Variants in NKAIN3 observed in about 807,000 individuals in gnomAD.
NKAIN3 encodes sodium/potassium-transporting ATPase subunit beta-1-interacting protein 3.
NKAIN3 carries 25 observed loss-of-function variants against 30.2 expected under a neutral mutation model. The ratio of observed to expected loss-of-function variants is 0.83; its 90% CI spans 0.60 to 1.16. NKAIN3 has a LOEUF of 1.16. Among genes scored for constraint, NKAIN3 ranks in the 50% most tolerant of loss-of-function variants. The pLI, the probability that NKAIN3 is intolerant of heterozygous loss-of-function variation, is 0.00. For missense variants in NKAIN3, 225 were observed against 254.1 expected (o/e 0.89, Z 0.78); for synonymous variants, 91 against 89.6 (o/e 1.02, Z -0.09).
intron 4 of NKAIN3, among the ~76,000 whole-genome samples, chr8:62,858,886 C>T (rs62510787): frequency 0.02 from 3,004 of 152,316 alleles, 41 homozygotes; most frequent in Non-Finnish European, 0.031. Flanking sequence ...CTGCTTGGCT[C>T]CTTGGGTTCA....
intron 4 of NKAIN3, among the ~76,000 whole-genome samples, chr8:62,866,558 A>T (rs1375027409): frequency 1.3e-5 from 2 of 152,188 alleles, no homozygotes; most frequent in Non-Finnish European, 2.9e-5. Flanking sequence ...TAACATATAG[A>T]GGTATATTTA....
intron 4 of NKAIN3, chr8:62,864,073 G>C (rs1046536315): frequency 6.2e-5 from 42 of 672,544 alleles, no homozygotes; most frequent in Admixed American, 4.8e-4. Context: ...CACTTTCCTG[G>C]AGCTCATTCC....
chr8:62,468,026 G>C (rs1337202153), intron 1 of NKAIN3, among the ~76,000 whole-genome samples: 1 of 152,108 alleles, frequency 6.6e-6, no homozygotes, highest in African/African-American at 2.4e-5. Context: ...ACCCGCCTCA[G>C]AGTTTTTATT....
intron 1 of NKAIN3, among the ~76,000 whole-genome samples, chr8:62,277,899 T>C (rs1485440272): frequency 6.6e-6 from 1 of 152,190 alleles, no homozygotes; most frequent in Non-Finnish European, 1.5e-5. Flanking sequence ...AATGTGGGAC[T>C]ATGATCTTGA....
intron 1 of NKAIN3, among the ~76,000 whole-genome samples, chr8:62,393,321 T>C (rs1007809746): frequency 6.6e-6 from 1 of 152,036 alleles, no homozygotes. Context: ...TCTATATTTA[T>C]ATTCATTTAT....
chr8:62,737,714 T>A (rs1017834151), intron 3 of NKAIN3, among the ~76,000 whole-genome samples: 1 of 152,232 alleles, frequency 6.6e-6, no homozygotes, highest in South Asian at 2.1e-4. Flanking sequence ...TCCTCAACTT[T>A]ATTTTTTTAG....
chr8:62,827,271 T>G (rs1209372745), intron 4 of NKAIN3, among the ~76,000 whole-genome samples: 3 of 152,138 alleles, frequency 2.0e-5, no homozygotes, highest in Non-Finnish European at 4.4e-5. Flanking sequence ...GGGATCTCTT[T>G]ACACACGAGG....
intron 4 of NKAIN3, chr8:62,855,982 C>G: frequency 1.4e-6 from 1 of 690,766 alleles, no homozygotes; most frequent in Non-Finnish European, 2.7e-6. Flanking sequence ...GTTGAGCTCC[C>G]AATCACCAGC....
At chr8:62,706,147 G>T (rs1240149219) in intron 3 of NKAIN3, among the ~76,000 whole-genome samples, 1 of 152,038 alleles carries the variant, frequency 6.6e-6, no homozygotes, top group African/African-American at 2.4e-5. Flanking sequence ...TACAGGAAGG[G>T]GTCTAGAAGC....
chr8:62,391,869 G>A (rs1817592242), intron 1 of NKAIN3, among the ~76,000 whole-genome samples: 1 of 151,478 alleles, frequency 6.6e-6, no homozygotes, highest in South Asian at 2.1e-4. Flanking sequence ...GAAATATACA[G>A]AGCATCAAAA....
rs149828410 is a variant in NKAIN3 at position 62,931,771 on chromosome 8, C to T, written c.532+13258C>T. Among the ~76,000 whole-genome samples, 135 of 152,292 alleles carry T rather than the reference C, an allele frequency of 8.9e-4. 1 individual carries two copies. The Middle Eastern group carries it at 0.02, about 23-fold the overall frequency. ...AGATTTGAATACAGAAGACTTTACT[C>T]CTACTAAGAGTCTCATTTTGGTTGG... On this transcript the variant is annotated intron_variant, in intron 5 of 6. Coordinates refer to ENST00000623646, the MANE Select transcript of NKAIN3 (RefSeq NM_001304533.3).
intron 4 of NKAIN3, among the ~76,000 whole-genome samples, chr8:62,854,289 G>T (rs1819997541): frequency 6.6e-6 from 1 of 152,118 alleles, no homozygotes; most frequent in South Asian, 2.1e-4. Context: ...GCCTAATATT[G>T]TCAGTGAGGT....
intron 1 of NKAIN3, among the ~76,000 whole-genome samples, chr8:62,433,027 G>T (rs920051261): frequency 5.3e-5 from 8 of 152,078 alleles, no homozygotes; most frequent in Non-Finnish European, 1.0e-4. Flanking sequence ...CCCCAAAAGG[G>T]ATAATCTTTA....
intron 1 of NKAIN3, among the ~76,000 whole-genome samples, chr8:62,307,512 CCTT>C (rs1814288039): frequency 6.7e-6 from 1 of 150,232 alleles, no homozygotes; most frequent in Non-Finnish European, 1.5e-5. Flanking sequence ...AAAACAAAAA[CCTT>C]CTGATTTTGT....
chr8:62,909,577 T>G (rs1821874990), intron 4 of NKAIN3, among the ~76,000 whole-genome samples: 2 of 152,150 alleles, frequency 1.3e-5, no homozygotes, highest in South Asian at 4.1e-4. Context: ...AAATTCAAAT[T>G]CTGGGAAATC....
At chr8:62,538,738 T>G (rs1808746349) in intron 1 of NKAIN3, among the ~76,000 whole-genome samples, 1 of 152,224 alleles carries the variant, frequency 6.6e-6, no homozygotes, top group Non-Finnish European at 1.5e-5. Context: ...TGTTCTTGTT[T>G]TGTCAGTATG....
At chr8:62,828,730 G>A (rs1819103907) in intron 4 of NKAIN3, among the ~76,000 whole-genome samples, 1 of 152,104 alleles carries the variant, frequency 6.6e-6, no homozygotes, top group African/African-American at 2.4e-5. Flanking sequence ...GATACTAGAA[G>A]CTTCTACCTT....
chr8:62,341,248 TCTTA>T (rs1234340185), intron 1 of NKAIN3, among the ~76,000 whole-genome samples: 1 of 152,018 alleles, frequency 6.6e-6, no homozygotes, highest in African/African-American at 2.4e-5. Flanking sequence ...AGACCCTTTC[TCTTA>T]CTTAAAGCAT....
Position 62,659,026 on chromosome 8 carries a change from T to A in NKAIN3, c.273+69232T>A, listed in dbSNP as rs185535561. ...ATATCCCATAATCCGCTCATTCATATGGAAATTCATTATTTTTCACCCTCC... is the reference window on the plus strand; with the variant it reads ...ATATCCCATAATCCGCTCATTCATAAGGAAATTCATTATTTTTCACCCTCC... On this transcript the variant is annotated intron_variant, in intron 3 of 6. Transcript: ENST00000623646. Among the ~76,000 whole-genome samples, 287 of 152,294 alleles carry A rather than the reference T, an allele frequency of 1.9e-3. 1 individual carries two copies. The highest frequency in any genetic ancestry group is 6.8e-3 in the African/African-American group (281 of 41,562).
Sources: gnomAD v4.1 joint callset for allele counts (sites outside exome capture counted in the v4.1 genomes callset) on GRCh38, gnomAD v4.1.1 for gene constraint, MANE v1.5 for transcripts, NCBI Gene and HGNC (gene_info 2026-07-23, HGNC 2026-07-21) for gene names.